CFAP96: variants seen among roughly 807,000 people sequenced by gnomAD.
CFAP96 encodes the protein cilia and flagella associated protein 96.
the CFAP96 span, chr4:185,415,777 G>A: frequency 6.2e-6 from 10 of 1,613,624 alleles, no homozygotes; most frequent in Middle Eastern, 1.6e-4. Context: ...TTAACATAAT[G>A]GTGTCCTCCG....
At chr4:185,425,441 C>G in the CFAP96 span, among the ~76,000 whole-genome samples, 195 of 152,148 alleles carry the variant, frequency 1.3e-3, no homozygotes, top group Admixed American at 6.0e-3. Flanking sequence ...CTGAAGAGCA[C>G]CACCATTTAG....
the CFAP96 span, among the ~76,000 whole-genome samples, chr4:185,435,751 A>G: frequency 6.6e-6 from 1 of 152,196 alleles, no homozygotes; most frequent in Non-Finnish European, 1.5e-5. Context: ...TCCATAAATT[A>G]ATCTAAAAAC....
chr4:185,424,179 C>A, the CFAP96 span, among the ~76,000 whole-genome samples: 1 of 150,970 alleles, frequency 6.6e-6, no homozygotes, highest in Non-Finnish European at 1.5e-5. Context: ...TGGTGGTCTG[C>A]ACCTGTAGTC....
the CFAP96 span, among the ~76,000 whole-genome samples, chr4:185,419,088 C>T: frequency 6.6e-6 from 1 of 152,070 alleles, no homozygotes; most frequent in Non-Finnish European, 1.5e-5. Flanking sequence ...TTTCTCATTC[C>T]CCCTACTTTT....
chr4:185,419,446 A>T, the CFAP96 span, among the ~76,000 whole-genome samples: 1 of 152,130 alleles, frequency 6.6e-6, no homozygotes, highest in Non-Finnish European at 1.5e-5. Flanking sequence ...CATCTTTTCT[A>T]ATTTGCACAT....
chr4:185,445,125 C>T, the CFAP96 span: 1 of 1,551,090 alleles, frequency 6.4e-7, no homozygotes, highest in African/African-American at 1.4e-5. Context: ...CTTTGAATGT[C>T]AGAAGGTGGG....
the CFAP96 span, among the ~76,000 whole-genome samples, chr4:185,431,499 C>T: frequency 6.6e-6 from 1 of 152,196 alleles, no homozygotes; most frequent in African/African-American, 2.4e-5. Flanking sequence ...AATAAAACTG[C>T]TATGAACATT....
chr4:185,431,507 A>T, the CFAP96 span, among the ~76,000 whole-genome samples: 1 of 152,218 alleles, frequency 6.6e-6, no homozygotes, highest in African/African-American at 2.4e-5. Context: ...TGCTATGAAC[A>T]TTCTTGTTAA....
the CFAP96 span, among the ~76,000 whole-genome samples, chr4:185,443,337 TATATA>T: frequency 2.2e-3 from 78 of 36,232 alleles, 1 homozygote; most frequent in Non-Finnish European, 4.2e-3. Context: ...TATATATATA[TATATA>T]TTTTTTTTTT....
At chr4:185,444,842 C>G in the CFAP96 span, 3 of 818,400 alleles carry the variant, frequency 3.7e-6, no homozygotes, top group East Asian at 5.4e-5. Context: ...TTGAATTAAA[C>G]AGTATCATTT....
chr4:185,436,447 C>G, the CFAP96 span: 2 of 982,700 alleles, frequency 2.0e-6, no homozygotes, highest in Non-Finnish European at 3.1e-6. Flanking sequence ...CACGGTGGCT[C>G]ACATCTGTAA....
chr4:185,447,136 G>A, the CFAP96 span, among the ~76,000 whole-genome samples: 920 of 151,308 alleles, frequency 6.1e-3, 16 homozygotes, highest in South Asian at 0.055. Flanking sequence ...GTTATACCTT[G>A]TATGATAGTT....
chr4:185,427,485 C>T, the CFAP96 span, among the ~76,000 whole-genome samples: 1 of 152,210 alleles, frequency 6.6e-6, no homozygotes, highest in Admixed American at 6.5e-5. Context: ...AAAGGCCGGG[C>T]GCGGTGGCTC....
chr4:185,447,428 C>G, the CFAP96 span, among the ~76,000 whole-genome samples: 1 of 152,318 alleles, frequency 6.6e-6, no homozygotes, highest in East Asian at 1.9e-4. Flanking sequence ...GATCCACCCA[C>G]CTTGGCCTCC....
At chr4:185,427,048 G>A in the CFAP96 span, among the ~76,000 whole-genome samples, 8 of 149,126 alleles carry the variant, frequency 5.4e-5, no homozygotes, top group Admixed American at 5.4e-4. Flanking sequence ...CTGGGCAACA[G>A]AGAGAGACTC....
chr4:185,445,195 C>A, the CFAP96 span: 3 of 1,306,400 alleles, frequency 2.3e-6, no homozygotes, highest in East Asian at 5.0e-5. Context: ...TATACTTCTT[C>A]AAAATAGTAT....
chr4:185,446,618 A>G, the CFAP96 span, among the ~76,000 whole-genome samples: 5 of 152,336 alleles, frequency 3.3e-5, no homozygotes, highest in South Asian at 1.0e-3. Context: ...ACCTAGTACT[A>G]AATTTTATGT....
the CFAP96 span, chr4:185,449,680 A>G: frequency 2.2e-6 from 3 of 1,394,852 alleles, no homozygotes; most frequent in Admixed American, 6.7e-5. Flanking sequence ...GATCTTAACT[A>G]TGAGTAATTC....
the CFAP96 span, among the ~76,000 whole-genome samples, chr4:185,439,030 C>A: frequency 6.6e-6 from 1 of 152,122 alleles, no homozygotes. Flanking sequence ...GTTGGTAAGA[C>A]AAATAGAGTA....
Sources: allele counts gnomAD v4.1 joint callset (sites outside exome capture counted in the v4.1 genomes callset), GRCh38; gene constraint gnomAD v4.1.1; transcripts MANE v1.5; gene names NCBI Gene and HGNC (gene_info 2026-07-23, HGNC 2026-07-21).